IGBP1: variants seen among roughly 807,000 people sequenced by gnomAD.
IGBP1 encodes the protein immunoglobulin-binding protein 1.
A neutral mutation model predicts 25.9 loss-of-function variants in IGBP1; 2 were observed. The ratio of observed to expected loss-of-function variants is 0.08; its 90% CI spans 0.03 to 0.24. IGBP1 has a LOEUF of 0.24. Among genes scored for constraint, IGBP1 ranks in the 10% least tolerant of loss-of-function variants. The probability of loss-of-function intolerance (pLI) is 1.00; values close to 1 mark genes in which losing one functional copy is unlikely to be tolerated. For missense variants in IGBP1, 187 were observed against 260.4 expected, an observed-to-expected ratio of 0.72 and a Z score of 1.94; for synonymous variants, 96 against 93.4, an observed-to-expected ratio of 1.03 and a Z score of -0.16.
intron 3 of IGBP1, among the ~76,000 whole-genome samples, chrX:70,143,282 C>T (rs1295570460): frequency 1.8e-5 from 2 of 111,971 alleles, no homozygotes; most frequent in African/African-American, 3.2e-5. Context: ...AATCCGCCTG[C>T]CTCGGCCTCC....
At chrX:70,137,130 T>A (rs1325356733) in intron 3 of IGBP1, among the ~76,000 whole-genome samples, 1 of 111,883 alleles carries the variant, frequency 8.9e-6, no homozygotes, top group East Asian at 2.8e-4. Context: ...TAGGGTTTAC[T>A]ATTGCAATGG....
chrX:70,155,116 T>G (rs1259913515), intron 6 of IGBP1, among the ~76,000 whole-genome samples: 1 of 111,991 alleles, frequency 8.9e-6, no homozygotes, highest in Non-Finnish European at 1.9e-5. Context: ...ACCTTCGAAT[T>G]AGAAGTCAGG....
intron 5 of IGBP1, chrX:70,149,697 CAAAAA>C (rs1299927108): frequency 8.9e-6 from 1 of 112,723 alleles, no homozygotes; most frequent in Non-Finnish European, 1.8e-5. Context: ...GCAAATAAAA[CAAAAA>C]AGGAAAATAA....
intron 6 of IGBP1, among the ~76,000 whole-genome samples, chrX:70,159,260 G>T (rs768347210): frequency 9.0e-6 from 1 of 111,649 alleles, no homozygotes; most frequent in Non-Finnish European, 1.9e-5. Context: ...AGATAAACAG[G>T]GTTTGAGGAA....
chrX:70,152,274 G>A (rs1053889756), intron 6 of IGBP1, among the ~76,000 whole-genome samples: 2 of 111,770 alleles, frequency 1.8e-5, no homozygotes, highest in African/African-American at 6.5e-5. Flanking sequence ...CCTCAACTAA[G>A]GCTAAAATAA....
chrX:70,135,170 T>C (rs1038438053), intron 3 of IGBP1, among the ~76,000 whole-genome samples: 2 of 112,373 alleles, frequency 1.8e-5, no homozygotes, highest in Non-Finnish European at 3.8e-5. Context: ...GTCCACTGAT[T>C]GAGGAGCTCT....
intron 4 of IGBP1, 64 bp from the exon 5 acceptor site, chrX:70,148,697 A>C: frequency 1.3e-6 from 1 of 752,667 alleles, no homozygotes; most frequent in South Asian, 2.2e-5. Flanking sequence ...TGAAGACTTA[A>C]GAGCCCGTAT....
chrX:70,162,604 T>G (rs907693886), intron 6 of IGBP1, among the ~76,000 whole-genome samples: 1 of 112,617 alleles, frequency 8.9e-6, no homozygotes, highest in African/African-American at 3.2e-5. Flanking sequence ...ATGTAGGAAC[T>G]CAGTACTATT....
At chrX:70,162,758 G>A (rs2085277533) in intron 6 of IGBP1, among the ~76,000 whole-genome samples, 1 of 111,938 alleles carries the variant, frequency 8.9e-6, no homozygotes, top group Middle Eastern at 4.2e-3. Context: ...TGGATCACTT[G>A]AGGTCAGAAG....
intron 6 of IGBP1, among the ~76,000 whole-genome samples, chrX:70,158,481 T>G (rs112496334): frequency 0.013 from 1,489 of 111,710 alleles, 20 homozygotes; most frequent in African/African-American, 0.04. Context: ...GAACCATGCT[T>G]CTTTCTACAA....
chrX:70,149,158 G>A (rs508906), intron 5 of IGBP1, among the ~76,000 whole-genome samples: 14,961 of 110,300 alleles, frequency 0.14, 1,987 homozygotes, highest in African/African-American at 0.4. Flanking sequence ...AACCTGGGAG[G>A]GGGAGGTTGT....
At position 70,134,822 on chromosome X, in the gene IGBP1, T is replaced by C; in HGVS notation, c.482+6T>C. 8.3e-7 allele frequency: 1 copy of C among 1,204,017 alleles called. No homozygotes were observed. Among genetic ancestry groups the C allele is most frequent in the South Asian group, 1.8e-5 (1 of 56,810 alleles). On this transcript the variant is annotated splice_donor_region_variant and intron_variant, in intron 3 of 6. Coordinates refer to ENST00000356413, the MANE Select transcript of IGBP1 (RefSeq NM_001551.3). ...AGACAGGCTAAAATACAGAGGTGGG[T>C]CAATAGCTATAATATGAGGCCTGCC...
intron 3 of IGBP1, among the ~76,000 whole-genome samples, chrX:70,138,860 CT>C (rs1192517439): frequency 1.8e-5 from 2 of 112,102 alleles, no homozygotes; most frequent in African/African-American, 6.5e-5. Flanking sequence ...AAACAAACAT[CT>C]TTAAATGTAT....
At chrX:70,144,468 A>G (rs917580174) in intron 3 of IGBP1, among the ~76,000 whole-genome samples, 5 of 110,681 alleles carry the variant, frequency 4.5e-5, no homozygotes, top group African/African-American at 1.6e-4. Flanking sequence ...CTCAAGTAAT[A>G]TCTCTGATAG....
chrX:70,162,304 A>C (rs182667040), intron 6 of IGBP1, among the ~76,000 whole-genome samples: 1 of 112,186 alleles, frequency 8.9e-6, no homozygotes, highest in African/African-American at 3.2e-5. Context: ...ACTGAGGGAC[A>C]TTCTACAAAA....
intron 6 of IGBP1, among the ~76,000 whole-genome samples, chrX:70,159,126 T>G (rs761494641): frequency 1.8e-5 from 2 of 111,436 alleles, no homozygotes; most frequent in South Asian, 7.5e-4. Context: ...CTCAGAAATA[T>G]GACAGCTTGG....
chrX:70,160,475 G>GA (rs2085265550), intron 6 of IGBP1, among the ~76,000 whole-genome samples: 1 of 111,715 alleles, frequency 9.0e-6, no homozygotes. Context: ...AACTCAGAGG[G>GA]AAAAAAATGT....
chrX:70,156,700 G>A (rs2085242929), intron 6 of IGBP1, among the ~76,000 whole-genome samples: 1 of 112,206 alleles, frequency 8.9e-6, no homozygotes, highest in Admixed American at 9.4e-5. Context: ...AGCACTTTGG[G>A]AGGCCGAGGC....
At chrX:70,148,226 A>G (rs1422583506) in intron 4 of IGBP1, among the ~76,000 whole-genome samples, 1 of 112,178 alleles carries the variant, frequency 8.9e-6, no homozygotes, top group African/African-American at 3.2e-5. Flanking sequence ...TAGAAAGCCA[A>G]GGTTCCTTGA....
Sources: gnomAD v4.1 joint callset for allele counts (sites outside exome capture counted in the v4.1 genomes callset) on GRCh38, gnomAD v4.1.1 for gene constraint, MANE v1.5 for transcripts, NCBI Gene and HGNC (gene_info 2026-07-23, HGNC 2026-07-21) for gene names.